Variants in LSM14A observed in about 807,000 individuals in gnomAD.
LSM14A encodes the protein protein LSM14 homolog A.
In LSM14A, 14 loss-of-function variants were observed where a neutral mutation model predicts 52.4. The ratio of observed to expected loss-of-function variants is 0.27; its 90% CI spans 0.18 to 0.42. The LOEUF is 0.42. Ranked by LOEUF, LSM14A falls within the 10% of genes least tolerant of loss-of-function variation. The pLI is 1.00. For missense variants in LSM14A, 417 were observed against 581.8 expected, an observed-to-expected ratio of 0.72 and a Z score of 2.91; for synonymous variants, 185 against 200.3, an observed-to-expected ratio of 0.92 and a Z score of 0.64.
At chr19:34,208,840 C>T in intron 3 of LSM14A, 89 bp from the exon 4 acceptor site, 1 of 822,766 alleles carries the variant, frequency 1.2e-6, no homozygotes, top group Non-Finnish European at 1.8e-6. Context: ...AGACAATTAC[C>T]ATCATTAAAA....
At chr19:34,214,192 G>C (rs2072392124) in intron 4 of LSM14A, among the ~76,000 whole-genome samples, 1 of 151,882 alleles carries the variant, frequency 6.6e-6, no homozygotes, top group African/African-American at 2.4e-5. Context: ...TTTTGGTTTT[G>C]TTTGTTTGTT....
At chr19:34,192,310 C>CTTTTTTTTTTTTTTTTT (rs1568479681) in intron 1 of LSM14A, among the ~76,000 whole-genome samples, 7 of 51,664 alleles carry the variant, frequency 1.4e-4, no homozygotes, top group African/African-American at 2.1e-4. Flanking sequence ...AAATAACATT[C>CTTTTTTTTTTTTTTTTT]TTTTTGTTGT....
At chr19:34,184,341 C>T (rs554009950) in intron 1 of LSM14A, among the ~76,000 whole-genome samples, 4 of 152,328 alleles carry the variant, frequency 2.6e-5, no homozygotes, top group African/African-American at 9.6e-5. Context: ...GCATGAGCCA[C>T]TGCGCCCAGC....
intron 1 of LSM14A, among the ~76,000 whole-genome samples, chr19:34,190,073 TAGA>T (rs1677372262): frequency 1.3e-5 from 2 of 152,228 alleles, no homozygotes; most frequent in Non-Finnish European, 1.5e-5. Flanking sequence ...TGTGTTGTAG[TAGA>T]ATAGTTCCAG....
At chr19:34,176,129 T>C (rs1374005629) in intron 1 of LSM14A, among the ~76,000 whole-genome samples, 1 of 152,152 alleles carries the variant, frequency 6.6e-6, no homozygotes, top group East Asian at 1.9e-4. Context: ...GGATTACAGG[T>C]GTGAGGCACT....
chr19:34,198,862 C>T (rs1599686190), intron 3 of LSM14A, among the ~76,000 whole-genome samples: 1 of 151,868 alleles, frequency 6.6e-6, no homozygotes, highest in Non-Finnish European at 1.5e-5. Context: ...TGGTGGGCGC[C>T]TGTAGTTCCA....
intron 4 of LSM14A, among the ~76,000 whole-genome samples, chr19:34,211,748 T>C (rs184262197): frequency 1.0e-3 from 157 of 151,214 alleles, no homozygotes; most frequent in African/African-American, 3.5e-3. Context: ...CTAACTGCAC[T>C]ACCTCACTCC....
intron 2 of LSM14A, chr19:34,195,198 C>CTTTTT (rs34828620): frequency 7.2e-6 from 1 of 137,952 alleles, no homozygotes; most frequent in African/African-American, 2.7e-5. Context: ...TTTTCTTTTT[C>CTTTTT]TTTTTTTTTT....
intron 1 of LSM14A, among the ~76,000 whole-genome samples, chr19:34,189,768 C>A (rs1341983574): frequency 6.6e-6 from 1 of 152,132 alleles, no homozygotes; most frequent in African/African-American, 2.4e-5. Context: ...CATTTGAAAT[C>A]TGTGCATCTT....
chr19:34,172,514 GC>G lies in LSM14A; in HGVS notation c.-128del. The G allele has an allele frequency of 9.2e-7, 1 of 1,086,950 alleles. No individual in the cohort carries two copies. Among genetic ancestry groups the G allele is most frequent in the Non-Finnish European group, 1.2e-6 (1 of 847,830 alleles). The allele number at this position is 1,086,950 out of a possible 1,614,324, so 67.3% of individuals were successfully genotyped here. A position where few individuals can be genotyped will look rare whatever the true frequency, so the allele number is the denominator to read the frequency against. On this transcript the variant is annotated 5_prime_UTR_variant, in exon 1 of 10. Coordinates refer to ENST00000544216, the MANE Select transcript of LSM14A (RefSeq NM_015578.4). ...AGGCTGGGGGAGGGTAGCGGAGCCG[GC>G]GCCGCCGCCATGTTGGGTCTGAAGC...
chr19:34,200,586 A>G (rs1182875859), intron 3 of LSM14A, among the ~76,000 whole-genome samples: 2 of 152,204 alleles, frequency 1.3e-5, no homozygotes, highest in Non-Finnish European at 2.9e-5. Context: ...GGGTTTGGTT[A>G]GATGTTAACA....
At chr19:34,218,083 A>G (rs1376978719) in intron 6 of LSM14A, among the ~76,000 whole-genome samples, 4 of 144,642 alleles carry the variant, frequency 2.8e-5, no homozygotes, top group Non-Finnish European at 5.9e-5. Context: ...TGCTCACTGC[A>G]GCCTTTGCCT....
rs1481555394 is a variant in LSM14A at position 34,227,468 on chromosome 19, T to G, written c.*80T>G. On this transcript the variant is annotated 3_prime_UTR_variant, in exon 10 of 10. Transcript: ENST00000544216. ...CATTGATTTCAGTCTTTGCAAAGAA[T>G]GAAGAAGTGAATTCGCTGTACATTT... The G allele has an allele frequency of 1.4e-5, 15 of 1,092,788 alleles. No homozygotes were observed. The highest frequency in any genetic ancestry group is 2.0e-5 in the Non-Finnish European group (15 of 758,704). The allele number at this position is 1,092,788 out of a possible 1,614,324, so 67.7% of individuals were successfully genotyped here. A position where few individuals can be genotyped will look rare whatever the true frequency, so the allele number is the denominator to read the frequency against.
chr19:34,218,877 A>G (rs1042110799), intron 6 of LSM14A, among the ~76,000 whole-genome samples: 2 of 152,148 alleles, frequency 1.3e-5, no homozygotes, highest in Admixed American at 6.5e-5. Context: ...TCTGTTTTTT[A>G]TCTGTGATGT....
chr19:34,172,867 A>G (rs867112427), intron 1 of LSM14A, 104 bp downstream of exon 1: 2 of 1,321,048 alleles, frequency 1.5e-6, no homozygotes, highest in Middle Eastern at 4.4e-4. Context: ...CCCTCCGTCG[A>G]GCTCCGGGAG....
In LSM14A at chr19:34,228,309, A is replaced by G. The variant is rs1325233326; in HGVS notation, c.*921A>G. 1 of 152,648 alleles carries G rather than the reference A, an allele frequency of 6.6e-6. No homozygotes were observed. The highest frequency in any genetic ancestry group is 2.4e-5 in the African/African-American group (1 of 41,454). 9.5% of individuals were successfully genotyped at this position (152,648 alleles called of 1,614,324 possible). A position where few individuals can be genotyped will look rare whatever the true frequency, so the allele number is the denominator to read the frequency against. ...TTTGTAGCAAATGGCATATCACAGG[A>G]TCTGTCCAGATAATCGATATTTTCA... On this transcript the variant is annotated 3_prime_UTR_variant, in exon 10 of 10. Coordinates refer to ENST00000544216, the MANE Select transcript of LSM14A (RefSeq NM_015578.4).
At chr19:34,184,520 A>G (rs1417536597) in intron 1 of LSM14A, among the ~76,000 whole-genome samples, 2 of 152,334 alleles carry the variant, frequency 1.3e-5, no homozygotes, top group East Asian at 3.9e-4. Flanking sequence ...AGTTCATGGT[A>G]GATTTCAGGG....
intron 3 of LSM14A, chr19:34,208,189 C>G (rs1461166134): frequency 6.6e-6 from 1 of 152,142 alleles, no homozygotes; most frequent in Non-Finnish European, 1.5e-5. Context: ...TGTAAAGAAT[C>G]ACTCTGACTA....
intron 1 of LSM14A, among the ~76,000 whole-genome samples, chr19:34,173,323 C>T (rs1480641721): frequency 6.6e-6 from 1 of 152,194 alleles, no homozygotes; most frequent in Non-Finnish European, 1.5e-5. Flanking sequence ...TCGGCTCATC[C>T]TCTGTTGGTA....
Sources: gnomAD v4.1 joint callset for allele counts (sites outside exome capture counted in the v4.1 genomes callset) on GRCh38, gnomAD v4.1.1 for gene constraint, MANE v1.5 for transcripts, NCBI Gene and HGNC (gene_info 2026-07-23, HGNC 2026-07-21) for gene names.